The following TTC17 variants were observed in gnomAD, a reference collection of about 807,000 sequenced individuals.
TTC17 encodes the protein tetratricopeptide repeat domain 17, also known as tetratricopeptide repeat protein 17.
In TTC17, 58 loss-of-function variants were observed where a neutral mutation model predicts 143.8. The ratio of observed to expected loss-of-function variants is 0.40; its 90% CI spans 0.33 to 0.50. The LOEUF is 0.50. Ranked by LOEUF, TTC17 falls within the 20% of genes least tolerant of loss-of-function variation. The probability of loss-of-function intolerance (pLI) is 0.49; values close to 1 mark genes in which losing one functional copy is unlikely to be tolerated. For missense variants in TTC17, 1,273 were observed against 1,392.5 expected (o/e 0.91, Z 1.37); for synonymous variants, 501 against 497.8 (o/e 1.01, Z -0.09).
chr11:43,375,259 C>T (rs1478460483), intron 1 of TTC17, among the ~76,000 whole-genome samples: 3 of 152,040 alleles, frequency 2.0e-5, no homozygotes, highest in African/African-American at 7.2e-5. Context: ...TCACCATGAC[C>T]AAGGGAAAGA....
intron 2 of TTC17, among the ~76,000 whole-genome samples, chr11:43,383,938 A>AG (rs1444640055): frequency 6.6e-6 from 1 of 152,056 alleles, no homozygotes; most frequent in African/African-American, 2.4e-5. Flanking sequence ...AGGCTAAGGC[A>AG]GGAGGATTGC....
intron 1 of TTC17, among the ~76,000 whole-genome samples, chr11:43,367,591 C>T (rs1000934572): frequency 2.0e-5 from 3 of 152,084 alleles, no homozygotes; most frequent in African/African-American, 7.2e-5. Context: ...AGAGGGCTCA[C>T]GAGCTGCTCA....
intron 9 of TTC17, among the ~76,000 whole-genome samples, 154 bp downstream of exon 9, chr11:43,400,202 C>CAGG (rs1857790369): frequency 6.6e-6 from 1 of 152,140 alleles, no homozygotes; most frequent in African/African-American, 2.4e-5. Context: ...GTGGGTATAC[C>CAGG]AGGAGGCCTG....
At chr11:43,396,625 C>A in intron 5 of TTC17, 84 bp from the exon 6 acceptor site, 1 of 674,394 alleles carries the variant, frequency 1.5e-6, no homozygotes, top group Admixed American at 2.8e-5. Context: ...TCAGAAGAGC[C>A]AGAATATTAA....
At chr11:43,426,182 A>T (rs1412603306) in intron 16 of TTC17, among the ~76,000 whole-genome samples, 1 of 152,226 alleles carries the variant, frequency 6.6e-6, no homozygotes, top group African/African-American at 2.4e-5. Context: ...AAAACCTAAT[A>T]TGAACAAATT....
At chr11:43,475,497 T>C (rs944421376) in intron 21 of TTC17, among the ~76,000 whole-genome samples, 1 of 152,166 alleles carries the variant, frequency 6.6e-6, no homozygotes, top group Admixed American at 6.5e-5. Flanking sequence ...CATGCCCAGC[T>C]AATTTTTAAA....
chr11:43,426,506 T>C (rs1947031146), intron 16 of TTC17, among the ~76,000 whole-genome samples: 1 of 152,232 alleles, frequency 6.6e-6, no homozygotes, highest in Non-Finnish European at 1.5e-5. Context: ...GGATCTGCAA[T>C]CAGGGTATTA....
intron 16 of TTC17, among the ~76,000 whole-genome samples, chr11:43,419,743 A>G (rs1946857561): frequency 6.6e-6 from 1 of 152,124 alleles, no homozygotes; most frequent in Non-Finnish European, 1.5e-5. Context: ...TGCAGTGGCT[A>G]TTCACAGACT....
chr11:43,377,914 GT>G (rs1856821769), intron 1 of TTC17, among the ~76,000 whole-genome samples: 1 of 151,322 alleles, frequency 6.6e-6, no homozygotes. Context: ...TTTGTTTTTT[GT>G]TTTTTTGAGA....
At chr11:43,471,220 G>T (rs540366684) in intron 21 of TTC17, among the ~76,000 whole-genome samples, 2 of 152,248 alleles carry the variant, frequency 1.3e-5, no homozygotes, top group South Asian at 4.1e-4. Flanking sequence ...TGTATGCCAG[G>T]TTACCACATA....
chr11:43,439,905 A>G (rs1251113425), intron 16 of TTC17, among the ~76,000 whole-genome samples: 2 of 152,198 alleles, frequency 1.3e-5, no homozygotes, highest in African/African-American at 4.8e-5. Flanking sequence ...AACTCATATA[A>G]ACCTCACTGT....
intron 16 of TTC17, among the ~76,000 whole-genome samples, chr11:43,415,782 A>G (rs1289617539): frequency 3.3e-5 from 5 of 152,150 alleles, no homozygotes; most frequent in Non-Finnish European, 4.4e-5. Flanking sequence ...ATCAAAGCCC[A>G]ATTATTTACT....
In TTC17 at chr11:43,407,393, T is replaced by G; in HGVS notation, c.1880T>G (p.Leu627Arg). 6.2e-7 allele frequency: 1 copy of G among 1,613,984 alleles called. No homozygotes were observed. The highest frequency in any genetic ancestry group is 8.5e-7 in the Non-Finnish European group (1 of 1,179,962). ...PIWLILNEAG[L>R]YWRAVGNSTF... ...TGGCTCATACTCAATGAAGCTGGAC[T>G]ATACTGGAGAGCAGTAGGAAATAGC... Residue 627 changes from leucine (L) to arginine (R), a missense_variant, in exon 15 of 24, where the codon CTA (leucine) becomes CGA (arginine). Around this residue, in one of 3 missense-constraint regions of TTC17, gnomAD observed 878 missense variants for 899.8 expected, o/e 0.98. Transcript: ENST00000039989.
At chr11:43,479,852 T>C (rs926077530) in intron 21 of TTC17, among the ~76,000 whole-genome samples, 2 of 152,132 alleles carry the variant, frequency 1.3e-5, no homozygotes, top group Non-Finnish European at 2.9e-5. Flanking sequence ...CAGGAGAAAC[T>C]GAGGAGCTGG....
chr11:43,391,635 C>A, intron 4 of TTC17, 59 bp downstream of exon 4: 3 of 1,260,124 alleles, frequency 2.4e-6, no homozygotes, highest in South Asian at 2.9e-5. Context: ...TTCAGTTGGT[C>A]TCTCACTTAT....
intron 2 of TTC17, among the ~76,000 whole-genome samples, chr11:43,384,280 A>G (rs1357982468): frequency 6.6e-6 from 1 of 152,222 alleles, no homozygotes; most frequent in African/African-American, 2.4e-5. Context: ...ATGTATTTAT[A>G]CAAGTTCACA....
chr11:43,401,066 A>G (rs1283281908), intron 9 of TTC17, among the ~76,000 whole-genome samples: 1 of 152,196 alleles, frequency 6.6e-6, no homozygotes, highest in Non-Finnish European at 1.5e-5. Context: ...GTATATTGAA[A>G]TGTAACCAGA....
chr11:43,472,262 G>A (rs1948106072), intron 21 of TTC17, among the ~76,000 whole-genome samples: 1 of 152,110 alleles, frequency 6.6e-6, no homozygotes, highest in Admixed American at 6.5e-5. Context: ...GGAGAATCCT[G>A]AGCCTAGGAG....
chr11:43,461,261 G>A (rs988405603), intron 21 of TTC17, among the ~76,000 whole-genome samples: 7 of 151,822 alleles, frequency 4.6e-5, no homozygotes, highest in African/African-American at 1.4e-4. Context: ...GCGGGCGCCT[G>A]TAGTCCCGGC....
Sources: allele counts gnomAD v4.1 joint callset (sites outside exome capture counted in the v4.1 genomes callset), GRCh38; gene constraint gnomAD v4.1.1; regional missense constraint gnomAD v4.1.1; transcripts MANE v1.5; gene names NCBI Gene and HGNC (gene_info 2026-07-23, HGNC 2026-07-21).